Variants in AHCYL1 observed in about 807,000 individuals in gnomAD.
AHCYL1 encodes the protein S-adenosylhomocysteine hydrolase-like protein 1.
Under a neutral mutation model 79.3 loss-of-function variants are expected in AHCYL1, and 20 were observed. The observed-to-expected ratio is 0.25, with a 90% CI of 0.18 to 0.37. The LOEUF (loss-of-function observed/expected upper bound fraction) is 0.37. Among genes scored for constraint, AHCYL1 ranks in the 10% least tolerant of loss-of-function variants. AHCYL1 has a pLI of 1.00. For missense variants in AHCYL1, 330 were observed against 673.6 expected (o/e 0.49, Z 5.65); for synonymous variants, 223 against 242.2 (o/e 0.92, Z 0.74).
At chr1:109,998,587 C>T (rs1650142129) in intron 1 of AHCYL1, among the ~76,000 whole-genome samples, 1 of 152,226 alleles carries the variant, frequency 6.6e-6, no homozygotes, top group South Asian at 2.1e-4. Flanking sequence ...AAGCAATCCT[C>T]TTGCCTCAGC....
intron 1 of AHCYL1, among the ~76,000 whole-genome samples, chr1:110,003,294 A>T (rs1650421604): frequency 1.3e-5 from 2 of 152,184 alleles, no homozygotes; most frequent in Admixed American, 6.5e-5. Context: ...TCATGTTTGC[A>T]ACCTTTATTT....
chr1:110,009,242 C>A, intron 2 of AHCYL1, 97 bp downstream of exon 2: 1 of 1,067,832 alleles, frequency 9.4e-7, no homozygotes. Flanking sequence ...CATGTTATGA[C>A]TGCCCACCTT....
At chr1:110,017,838 T>G in intron 10 of AHCYL1, 108 bp from the exon 11 acceptor site, 1 of 1,144,914 alleles carries the variant, frequency 8.7e-7, no homozygotes, top group Non-Finnish European at 1.3e-6. Flanking sequence ...ACCATTCCTG[T>G]GAGGTGGCAC....
At chr1:110,014,529 G>T (rs1651283454) in intron 5 of AHCYL1, among the ~76,000 whole-genome samples, 1 of 152,146 alleles carries the variant, frequency 6.6e-6, no homozygotes, top group Non-Finnish European at 1.5e-5. Flanking sequence ...TATAAAATTA[G>T]TCCAGAGAAA....
At chr1:110,018,301 T>C (rs1651551117) in intron 11 of AHCYL1, 72 bp from the exon 12 acceptor site, 10 of 1,454,830 alleles carry the variant, frequency 6.9e-6, no homozygotes, top group African/African-American at 1.4e-5. Flanking sequence ...GTCTCCTATG[T>C]TCTACCTGAA....
Position 110,018,354 on chromosome 1 carries a change from C to T in AHCYL1, c.1124-19C>T. The T allele has an allele frequency of 1.2e-6, 2 of 1,612,138 alleles. No individual in the cohort carries two copies. The highest frequency in any genetic ancestry group is 1.7e-6 in the Non-Finnish European group (2 of 1,178,352). ...GTTGCCCGGCATCTCTTTCCTTAAC[C>T]ACCCATCTTTTCTTTTAGGAAATAA... On this transcript the variant is annotated intron_variant, in intron 11 of 16. Coordinates refer to ENST00000369799, the MANE Select transcript of AHCYL1 (RefSeq NM_006621.7).
chr1:109,985,313 G>C, intron 1 of AHCYL1, 141 bp downstream of exon 1: 1 of 1,372,028 alleles, frequency 7.3e-7, no homozygotes, highest in Non-Finnish European at 9.4e-7. Flanking sequence ...GCGGCTGTGC[G>C]GCCCCAGGCC....
chr1:110,020,310 G>A (rs1651712377), intron 15 of AHCYL1, among the ~76,000 whole-genome samples: 1 of 152,152 alleles, frequency 6.6e-6, no homozygotes, highest in African/African-American at 2.4e-5. Flanking sequence ...TCCTAAATGA[G>A]TGTTATTGAC....
chr1:110,012,489 C>A, intron 4 of AHCYL1, 27 bp downstream of exon 4: 1 of 1,536,252 alleles, frequency 6.5e-7, no homozygotes, highest in Non-Finnish European at 8.8e-7. Flanking sequence ...AAAAGAGGGA[C>A]TTCTGATAAG....
intron 4 of AHCYL1, 57 bp from the exon 5 acceptor site, chr1:110,012,840 C>T: frequency 7.2e-7 from 1 of 1,390,492 alleles, no homozygotes; most frequent in Non-Finnish European, 9.9e-7. Flanking sequence ...GAGGCTTGCT[C>T]TCCATTCCTG....
At chr1:109,989,683 A>G (rs1437332880) in intron 1 of AHCYL1, among the ~76,000 whole-genome samples, 2 of 152,250 alleles carry the variant, frequency 1.3e-5, no homozygotes, top group Non-Finnish European at 2.9e-5. Context: ...TTTTAAAGGA[A>G]CTGGCGAATA....
At chr1:110,010,122 A>G (rs1254409617) in intron 2 of AHCYL1, among the ~76,000 whole-genome samples, 1 of 152,256 alleles carries the variant, frequency 6.6e-6, no homozygotes, top group Admixed American at 6.5e-5. Flanking sequence ...AGAAAAATTA[A>G]TTGTGAAAAA....
At chr1:109,985,300 G>A (rs1412012610) in intron 1 of AHCYL1, 128 bp downstream of exon 1, 2 of 1,406,848 alleles carry the variant, frequency 1.4e-6, no homozygotes, top group East Asian at 2.9e-5. Context: ...GATGTAGGGG[G>A]TGGCGGCTGT....
chr1:110,005,756 T>C lies in AHCYL1; in HGVS notation c.121-3278T>C, dbSNP rs1487110005. On this transcript the variant is annotated intron_variant, in intron 1 of 16. Transcript: ENST00000369799. ...TTATGAAAGTAAACTCAGCTTCTAA[T>C]GGTAAAAAAAAAAAAAATCAATTAG... Among the ~76,000 whole-genome samples, 12 of 149,668 alleles carry C rather than the reference T, an allele frequency of 8.0e-5. 1 individual carries two copies. The highest frequency in any genetic ancestry group is 3.0e-4 in the African/African-American group (12 of 40,226).
At chr1:110,019,895 T>C (rs1443370159) in intron 15 of AHCYL1, among the ~76,000 whole-genome samples, 5 of 152,268 alleles carry the variant, frequency 3.3e-5, no homozygotes, top group Admixed American at 3.3e-4. Flanking sequence ...ATGTTCTTAC[T>C]CTAAGTAGCC....
At chr1:109,994,392 A>G (rs2101698306) in intron 1 of AHCYL1, among the ~76,000 whole-genome samples, 1 of 152,238 alleles carries the variant, frequency 6.6e-6, no homozygotes. Flanking sequence ...CCTCCCAAGT[A>G]GCTGGGATTA....
chr1:109,996,183 C>T (rs1650018931), intron 1 of AHCYL1, among the ~76,000 whole-genome samples: 1 of 152,108 alleles, frequency 6.6e-6, no homozygotes, highest in South Asian at 2.1e-4. Flanking sequence ...ACACTCCAGC[C>T]TGGGCAACAG....
intron 1 of AHCYL1, among the ~76,000 whole-genome samples, chr1:109,993,395 C>T (rs1256401871): frequency 6.6e-6 from 1 of 152,142 alleles, no homozygotes; most frequent in Non-Finnish European, 1.5e-5. Flanking sequence ...ATGTTGAGGG[C>T]AAAGACCGTA....
intron 1 of AHCYL1, among the ~76,000 whole-genome samples, chr1:110,008,179 G>C (rs1429440605): frequency 6.6e-6 from 1 of 151,856 alleles, no homozygotes; most frequent in Non-Finnish European, 1.5e-5. Context: ...CCGCCACCAA[G>C]CCCAGCTAAT....
Sources: allele counts gnomAD v4.1 joint callset (sites outside exome capture counted in the v4.1 genomes callset), GRCh38; gene constraint gnomAD v4.1.1; transcripts MANE v1.5; gene names NCBI Gene and HGNC (gene_info 2026-07-23, HGNC 2026-07-21).